The following ANK3 variants were observed in gnomAD, a reference collection of about 807,000 sequenced individuals.
ANK3 encodes the protein ankyrin-3.
In ANK3, 57 loss-of-function variants were observed where a neutral mutation model predicts 370.9. That is an observed-to-expected ratio of 0.15 (90% CI 0.12 to 0.19). The LOEUF (loss-of-function observed/expected upper bound fraction) is 0.19, where lower values mean the gene tolerates loss of function less well. Ranked by LOEUF, ANK3 falls within the 10% of genes least tolerant of loss-of-function variation. The pLI, the probability that ANK3 is intolerant of heterozygous loss-of-function variation, is 1.00. For missense variants in ANK3, 4,439 were observed against 5,302.1 expected, an observed-to-expected ratio of 0.84 and a Z score of 5.06; for synonymous variants, 1,929 against 1,946.3, an observed-to-expected ratio of 0.99 and a Z score of 0.23.
At chr10:60,608,718 T>C (rs112894823) in intron 2 of ANK3, among the ~76,000 whole-genome samples, 1 of 152,336 alleles carries the variant, frequency 6.6e-6, no homozygotes, top group African/African-American at 2.4e-5. Context: ...TTAGTGATAG[T>C]ACACAGGCTA....
chr10:60,422,870 C>T (rs1371010999), intron 2 of ANK3, among the ~76,000 whole-genome samples: 4 of 152,006 alleles, frequency 2.6e-5, no homozygotes, highest in Admixed American at 1.3e-4. Context: ...GAAAATTTTG[C>T]TTTGACTTTT....
chr10:60,439,308 T>C (rs1260490440), intron 2 of ANK3, among the ~76,000 whole-genome samples: 1 of 152,084 alleles, frequency 6.6e-6, no homozygotes, highest in Admixed American at 6.6e-5. Context: ...ATCAAAAATA[T>C]TGCATTAAAC....
chr10:60,231,836 G>A (rs1444628394), intron 8 of ANK3, among the ~76,000 whole-genome samples: 6 of 152,154 alleles, frequency 3.9e-5, no homozygotes, highest in African/African-American at 1.4e-4. Context: ...AGGCTTTTCT[G>A]TTCTCTGGTT....
chr10:60,471,353 C>T (rs1595098658), intron 2 of ANK3, among the ~76,000 whole-genome samples: 1 of 152,174 alleles, frequency 6.6e-6, no homozygotes. Context: ...ACTGTTATTA[C>T]TTTTAAGAAG....
At chr10:60,170,557 A>T (rs1044461270) in intron 21 of ANK3, among the ~76,000 whole-genome samples, 6 of 152,232 alleles carry the variant, frequency 3.9e-5, no homozygotes, top group African/African-American at 1.4e-4. Context: ...ATCAACGTGA[A>T]CACTTCTTTT....
intron 2 of ANK3, among the ~76,000 whole-genome samples, chr10:60,517,756 A>G (rs911714928): frequency 6.0e-5 from 9 of 149,600 alleles, no homozygotes; most frequent in Non-Finnish European, 1.0e-4. Context: ...AAAAGAGAGA[A>G]AGAGAGAGAG....
chr10:60,537,077 T>A (rs943133165), intron 2 of ANK3, among the ~76,000 whole-genome samples: 5 of 151,820 alleles, frequency 3.3e-5, no homozygotes, highest in Non-Finnish European at 7.4e-5. Context: ...GGGAAAAAAA[T>A]GTCAAAAAAT....
At chr10:60,210,276 G>T (rs2096832327) in intron 9 of ANK3, among the ~76,000 whole-genome samples, 1 of 152,116 alleles carries the variant, frequency 6.6e-6, no homozygotes, top group Admixed American at 6.6e-5. Flanking sequence ...AAGCTCTAAA[G>T]AAAATAAAAT....
At position 60,626,044 on chromosome 10, in the gene ANK3, T is replaced by C. The variant is rs2078405711; in HGVS notation, c.58-10820A>G. On this transcript the variant is annotated intron_variant, in intron 1 of 43. Transcript: ENST00000373827. ...AAAGAAAAAAGAACAAGAAACATCT[T>C]CTTTTGGAAGACGGTCCCTTTGGGA... Among the ~76,000 whole-genome samples, 3 of 151,844 alleles carry C rather than the reference T, an allele frequency of 2.0e-5. No individual in the cohort carries two copies. The South Asian group carries it at 6.2e-4, about 31-fold the overall frequency.
At chr10:60,339,840 G>A (rs184907493) in intron 1 of ANK3, among the ~76,000 whole-genome samples, 95 of 152,268 alleles carry the variant, frequency 6.2e-4, no homozygotes, top group Admixed American at 2.5e-3. Context: ...AATTTACAAC[G>A]CGCTTGCTGT....
Position 60,635,599 on chromosome 10 carries a change from A to T in ANK3, c.58-20375T>A, listed in dbSNP as rs143676908. ...CCTCTATACTAGTAAAATCCAAACT[A>T]TGAGGAGGTATTTGCCCAAAACTCA... On this transcript the variant is annotated intron_variant, in intron 1 of 43. Transcript: ENST00000373827. 2.0e-3 allele frequency among the ~76,000 whole-genome samples: 307 copies of T among 152,240 alleles called. 1 individual carries two copies. The highest frequency in any genetic ancestry group is 7.0e-3 in the African/African-American group (291 of 41,540).
chr10:60,067,186 T>C (rs912236397), intron 38 of ANK3, among the ~76,000 whole-genome samples: 2 of 152,352 alleles, frequency 1.3e-5, no homozygotes, highest in Admixed American at 6.5e-5. Context: ...GTACTGGGAT[T>C]ACAGGCATGA....
At chr10:60,364,093 T>C (rs1218680639) in intron 1 of ANK3, among the ~76,000 whole-genome samples, 1 of 151,322 alleles carries the variant, frequency 6.6e-6, no homozygotes, top group Non-Finnish European at 1.5e-5. Flanking sequence ...CAGGAGTTCC[T>C]GACCAGCCTG....
Position 60,071,610 on chromosome 10 carries a change from T to A in ANK3, c.9271A>T (p.Thr3091Ser). The A allele has an allele frequency of 6.2e-7, 1 of 1,613,726 alleles. No individual in the cohort carries two copies. The highest frequency in any genetic ancestry group is 8.5e-7 in the Non-Finnish European group (1 of 1,179,888). ...AQTEGGKEIK[T>S]LPVYVSFVQV... ...ACAAAACTGACATAAACGGGTAAAGTTTTTATCTCTTTCCCTCCCTCTGTC... is the reference window on the plus strand; with the variant it reads ...ACAAAACTGACATAAACGGGTAAAGATTTTATCTCTTTCCCTCCCTCTGTC... The change falls in exon 37 of 44, where the codon ACT (threonine) becomes TCT (serine). Residue 3091 changes from threonine (T) to serine (S), a missense_variant. By Grantham distance (58) the Thr-to-Ser change is moderately conservative. This residue lies in a region of ANK3 where 1,601 missense variants were observed against 1,731.7 expected (regional missense o/e 0.92). Transcript: ENST00000280772.
intron 1 of ANK3, among the ~76,000 whole-genome samples, chr10:60,334,415 T>C (rs2052272989): frequency 6.6e-6 from 1 of 152,144 alleles, no homozygotes; most frequent in South Asian, 2.1e-4. Flanking sequence ...TGGTTAAAAT[T>C]TGCACTCTTA....
rs182220864 is a variant in ANK3, at chr10:60,151,239, C to A, written c.2615-12152G>T. ...TATATATACTTTGAAGGTCTATCCC[C>A]TCCAAATCTCTTGTTGAAATGTGAT... On this transcript the variant is annotated intron_variant, in intron 23 of 43. Transcript: ENST00000280772. Among the ~76,000 whole-genome samples, 9 of 152,280 alleles carry A rather than the reference C, an allele frequency of 5.9e-5. No homozygotes were observed. In the East Asian group the frequency reaches 1.5e-3, roughly 26 times the overall value.
At chr10:60,360,774 T>C (rs563407880) in intron 1 of ANK3, among the ~76,000 whole-genome samples, 3 of 152,338 alleles carry the variant, frequency 2.0e-5, no homozygotes, top group South Asian at 2.1e-4. Flanking sequence ...GCTGGATTTA[T>C]TGAAGCTTAA....
intron 25 of ANK3, among the ~76,000 whole-genome samples, chr10:60,117,808 C>T (rs1043354862): frequency 6.6e-6 from 1 of 151,486 alleles, no homozygotes; most frequent in Non-Finnish European, 1.5e-5. Context: ...AGCAAGACTC[C>T]GTCTCAAAAA....
At chr10:60,205,683 C>T in intron 11 of ANK3, 109 bp downstream of exon 11, 1 of 779,556 alleles carries the variant, frequency 1.3e-6, no homozygotes, top group Non-Finnish European at 2.3e-6. Flanking sequence ...AGTCTATGGC[C>T]ATGATATGCA....
Sources: gnomAD v4.1 joint callset for allele counts (sites outside exome capture counted in the v4.1 genomes callset) on GRCh38, gnomAD v4.1.1 for gene constraint, gnomAD v4.1.1 regional missense constraint, MANE v1.5 for transcripts, NCBI Gene and HGNC (gene_info 2026-07-23, HGNC 2026-07-21) for gene names.